CDH3: variants seen among roughly 807,000 people sequenced by gnomAD.
CDH3 encodes the protein cadherin-3.
CDH3 carries 54 observed loss-of-function variants against 82.0 expected under a neutral mutation model. That is an observed-to-expected ratio of 0.66 (90% CI 0.53 to 0.83). The LOEUF (loss-of-function observed/expected upper bound fraction) is 0.83, where lower values mean the gene tolerates loss of function less well. Among genes scored for constraint, CDH3 ranks in the 40% least tolerant of loss-of-function variants. CDH3 has a pLI of 0.00. For synonymous variants in CDH3, 446 were observed against 437.9 expected (o/e 1.02, Z -0.23); for missense variants, 1,054 against 1,084.6 (o/e 0.97, Z 0.40).
At chr16:68,688,649 C>T (rs1039689571) in intron 12 of CDH3, among the ~76,000 whole-genome samples, 13 of 151,888 alleles carry the variant, frequency 8.6e-5, no homozygotes, top group East Asian at 2.0e-4. Flanking sequence ...TGTTTTGAGA[C>T]GGAGTCTCAC....
chr16:68,708,158 T>C (rs1482583287), intron 1 of CDH3, among the ~76,000 whole-genome samples: 4 of 151,996 alleles, frequency 2.6e-5, no homozygotes, highest in Admixed American at 6.6e-5. Flanking sequence ...TGAAAACCCA[T>C]GTCTACTAAA....
At chr16:68,649,313 A>G (rs148798299) in intron 2 of CDH3, among the ~76,000 whole-genome samples, 50 of 152,340 alleles carry the variant, frequency 3.3e-4, no homozygotes, top group African/African-American at 1.1e-3. Context: ...TCAATAATGC[A>G]TCTGACTGAG....
intron 2 of CDH3, among the ~76,000 whole-genome samples, chr16:68,664,817 C>G (rs1229365052): frequency 2.0e-5 from 3 of 151,910 alleles, no homozygotes; most frequent in African/African-American, 7.3e-5. Context: ...CACTATCACT[C>G]CCAGCTAATT....
In CDH3 at chr16:68,695,919, T is replaced by C. The variant is rs1961709299; in HGVS notation, c.2276T>C (p.Ile759Thr). ...CCAGATGAAATCGGCAACTTTATAA[T>C]TGAGGTGAGGCGTGGCAGGCCAGTC... ...ANPDEIGNFI[I>T]ENLKAANTDP... Residue 759 changes from isoleucine to threonine, a missense_variant, in exon 15 of 16, where the codon ATT becomes ACT. Physicochemically the swap from Ile to Thr is moderately conservative, Grantham distance 89. Transcript: ENST00000264012. The C allele has an allele frequency of 6.2e-7, 1 of 1,614,054 alleles. No individual in the cohort carries two copies. The highest frequency in any genetic ancestry group is 8.5e-7 in the Non-Finnish European group (1 of 1,180,024).
intron 1 of CDH3, among the ~76,000 whole-genome samples, chr16:68,719,539 G>A (rs1335980654): frequency 2.4e-4 from 28 of 118,626 alleles, no homozygotes; most frequent in African/African-American, 8.4e-4. Context: ...AGGGAGTCTC[G>A]CTCTGTCACC....
At chr16:68,730,006 G>A (rs908426357), downstream of CDH3, among the ~76,000 whole-genome samples, 2 of 152,038 alleles carry the variant, frequency 1.3e-5, no homozygotes, top group African/African-American at 2.4e-5. Flanking sequence ...AGGCCGAGGC[G>A]GGTGGATCAT....
chr16:68,721,732 T>A (rs72785165), intron 1 of CDH3, among the ~76,000 whole-genome samples: 38,381 of 152,112 alleles, frequency 0.25, 5,061 homozygotes, highest in Admixed American at 0.29. Flanking sequence ...TAAATGTCAC[T>A]TTGCTCCCCA....
intron 2 of CDH3, among the ~76,000 whole-genome samples, chr16:68,662,965 T>TGTGC (rs779161984): frequency 2.2e-5 from 3 of 138,540 alleles, no homozygotes; most frequent in Non-Finnish European, 3.0e-5. Context: ...GCCTCCTGGG[T>TGTGC]TCAAGCTATT....
At chr16:68,677,184 C>T (rs932984912) in intron 3 of CDH3, among the ~76,000 whole-genome samples, 1 of 152,100 alleles carries the variant, frequency 6.6e-6, no homozygotes, top group East Asian at 1.9e-4. Flanking sequence ...ATGTCTGCAC[C>T]TTTCTTTTTC....
At chr16:68,715,469 T>C (rs1265768502) in intron 1 of CDH3, among the ~76,000 whole-genome samples, 4 of 149,996 alleles carry the variant, frequency 2.7e-5, no homozygotes, top group South Asian at 2.1e-4. Context: ...CACTCCACAG[T>C]AGTATTAATT....
intron 1 of CDH3, among the ~76,000 whole-genome samples, chr16:68,708,613 CTTTCT>C (rs1597827239): frequency 1.3e-5 from 2 of 151,666 alleles, no homozygotes; most frequent in Non-Finnish European, 2.9e-5. Flanking sequence ...TTCTGTCTTT[CTTTCT>C]TTTCTTTTCT....
intron 13 of CDH3, among the ~76,000 whole-genome samples, chr16:68,692,276 G>T (rs1961600988): frequency 6.6e-6 from 1 of 152,050 alleles, no homozygotes; most frequent in African/African-American, 2.4e-5. Context: ...GGCTCAAGCA[G>T]TCCACCTGCC....
chr16:68,696,799 A>G (rs1961734914), intron 15 of CDH3: 1 of 152,290 alleles, frequency 6.6e-6, no homozygotes, highest in African/African-American at 2.4e-5. Flanking sequence ...TGGCCTTGTA[A>G]AAAACACTCA....
chr16:68,685,382 G>T, intron 11 of CDH3, 32 bp downstream of exon 11: 3 of 1,612,008 alleles, frequency 1.9e-6, no homozygotes, highest in Non-Finnish European at 2.5e-6. Flanking sequence ...TCCCACAAGG[G>T]CCACTTTTGG....
chr16:68,667,229 A>G (rs772146809), intron 2 of CDH3, among the ~76,000 whole-genome samples: 6 of 152,156 alleles, frequency 3.9e-5, no homozygotes, highest in South Asian at 2.1e-4. Flanking sequence ...TCTTATCCCA[A>G]TCCCTTAACA....
intron 1 of CDH3, 93 bp downstream of exon 1, chr16:68,645,517 G>A (rs1211118724): frequency 2.0e-6 from 3 of 1,481,128 alleles, no homozygotes; most frequent in African/African-American, 1.4e-5. Context: ...GAGAGCGCGG[G>A]GCTGCGCTCC....
At chr16:68,731,462 ATATATATATACACACACACG>A (rs1962291531), downstream of CDH3, among the ~76,000 whole-genome samples, 2 of 9,454 alleles carry the variant, frequency 2.1e-4, no homozygotes, top group African/African-American at 6.5e-4. Context: ...GTATATACAC[ATATATATATACACACACACG>A]TATATACACA....
At chr16:68,690,385 C>T (rs377619952) in intron 12 of CDH3, among the ~76,000 whole-genome samples, 1 of 152,028 alleles carries the variant, frequency 6.6e-6, no homozygotes, top group East Asian at 1.9e-4. Context: ...TTTGGGAGGC[C>T]GAGGTGGGGC....
chr16:68,670,994 G>GCC (rs766805884), intron 2 of CDH3, among the ~76,000 whole-genome samples: 37 of 152,074 alleles, frequency 2.4e-4, no homozygotes, highest in Non-Finnish European at 4.1e-4. Context: ...AATCGCTTGA[G>GCC]CCCGGGAGGT....
Sources: gnomAD v4.1 joint callset for allele counts (sites outside exome capture counted in the v4.1 genomes callset) on GRCh38, gnomAD v4.1.1 for gene constraint, MANE v1.5 for transcripts, NCBI Gene and HGNC (gene_info 2026-07-23, HGNC 2026-07-21) for gene names.